PUDP: variants seen among roughly 807,000 people sequenced by gnomAD.
The protein encoded by PUDP is pseudouridine-5'-phosphatase.
PUDP carries 8 observed loss-of-function variants against 9.4 expected under a neutral mutation model. The ratio of observed to expected loss-of-function variants is 0.85; its 90% CI spans 0.50 to 1.53. The LOEUF is 1.53. PUDP is among the 40% of genes most tolerant of loss of function. The probability of loss-of-function intolerance (pLI) is 0.00; values close to 1 mark genes in which losing one functional copy is unlikely to be tolerated. For missense variants in PUDP, 188 were observed against 189.7 expected (o/e 0.99, Z 0.05); for synonymous variants, 99 against 80.7 (o/e 1.23, Z -1.22).
intron 3 of PUDP, among the ~76,000 whole-genome samples, chrX:6,897,751 G>A (rs921466521): frequency 3.6e-5 from 4 of 111,129 alleles, no homozygotes; most frequent in African/African-American, 1.3e-4. Context: ...ATTCATAGGC[G>A]GCAACTTCTC....
intron 3 of PUDP, among the ~76,000 whole-genome samples, chrX:6,906,113 T>G (rs1283233372): frequency 8.9e-6 from 1 of 112,115 alleles, no homozygotes; most frequent in Non-Finnish European, 1.9e-5. Context: ...CAATGTGAGA[T>G]GTTCCCATGC....
intron 3 of PUDP, among the ~76,000 whole-genome samples, chrX:6,945,406 A>G (rs1928450632): frequency 1.8e-5 from 2 of 111,926 alleles, no homozygotes; most frequent in African/African-American, 6.5e-5. Flanking sequence ...ATTAAAAACA[A>G]ATATTTAGAT....
intron 1 of PUDP, among the ~76,000 whole-genome samples, chrX:7,009,503 A>G (rs1333667455): frequency 8.9e-6 from 1 of 112,642 alleles, no homozygotes; most frequent in African/African-American, 3.2e-5. Flanking sequence ...TCGGCCATAC[A>G]GAAAGAATGG....
intron 3 of PUDP, among the ~76,000 whole-genome samples, chrX:6,886,552 C>T (rs957632159): frequency 9.0e-6 from 1 of 111,597 alleles, no homozygotes; most frequent in Non-Finnish European, 1.9e-5. Flanking sequence ...TTTGGATGGA[C>T]AGGATTTGGA....
chrX:7,053,466 C>A (rs1236638569), intron 3 of PUDP, among the ~76,000 whole-genome samples: 1 of 111,573 alleles, frequency 9.0e-6, no homozygotes, highest in Non-Finnish European at 1.9e-5. Context: ...ATCATGGGGG[C>A]AGTTTTCCCC....
At chrX:7,140,436 G>A (rs1325334228) in intron 1 of PUDP, among the ~76,000 whole-genome samples, 2 of 111,284 alleles carry the variant, frequency 1.8e-5, no homozygotes, top group African/African-American at 6.6e-5. Context: ...AGTCGCCTGA[G>A]CATCTATATA....
chrX:6,927,708 G>T (rs1306306843), intron 3 of PUDP, among the ~76,000 whole-genome samples: 3 of 111,366 alleles, frequency 2.7e-5, no homozygotes, highest in African/African-American at 6.5e-5. Flanking sequence ...CATATACACA[G>T]GAGCCTTCAG....
At chrX:6,778,991 C>T (rs1280711417) in intron 3 of PUDP, among the ~76,000 whole-genome samples, 1 of 111,968 alleles carries the variant, frequency 8.9e-6, no homozygotes, top group African/African-American at 3.3e-5. Flanking sequence ...AAAGCCAATT[C>T]GAACCAGAGC....
chrX:6,827,424 C>A (rs1475994990), intron 3 of PUDP, among the ~76,000 whole-genome samples: 1 of 111,446 alleles, frequency 9.0e-6, no homozygotes, highest in African/African-American at 3.3e-5. Context: ...CTAGAGGATT[C>A]TATTGGTTAT....
At chrX:6,899,709 T>TGATGAA (rs1555915640) in intron 3 of PUDP, among the ~76,000 whole-genome samples, 41 of 105,551 alleles carry the variant, frequency 3.9e-4, no homozygotes, top group African/African-American at 1.4e-3. Flanking sequence ...ATGATGATGA[T>TGATGAA]GAAGATGAAC....
chrX:6,894,489 G>A (rs1046344451), intron 3 of PUDP, among the ~76,000 whole-genome samples: 1 of 112,063 alleles, frequency 8.9e-6, no homozygotes, highest in Non-Finnish European at 1.9e-5. Flanking sequence ...TTTCTGTAGC[G>A]GAGACGTGCA....
At chrX:6,804,540 G>A (rs1475493649) in intron 3 of PUDP, among the ~76,000 whole-genome samples, 2 of 112,007 alleles carry the variant, frequency 1.8e-5, no homozygotes. Flanking sequence ...AAAAGTACTG[G>A]AGATCCTCAA....
intron 1 of PUDP, among the ~76,000 whole-genome samples, chrX:6,996,640 ATG>A (rs1225704467): frequency 9.5e-6 from 1 of 105,151 alleles, no homozygotes; most frequent in African/African-American, 3.5e-5. Flanking sequence ...GTATATATAT[ATG>A]TGTGTGTGTA....
chrX:7,056,082 A>C (rs1473913677), intron 3 of PUDP, among the ~76,000 whole-genome samples: 1 of 112,061 alleles, frequency 8.9e-6, no homozygotes, highest in Non-Finnish European at 1.9e-5. Context: ...ATTACACTTG[A>C]CCTAAAACTC....
intron 3 of PUDP, among the ~76,000 whole-genome samples, chrX:6,879,260 G>T (rs767458911): frequency 8.9e-6 from 1 of 112,090 alleles, no homozygotes; most frequent in African/African-American, 3.2e-5. Context: ...GCACTGCAGT[G>T]TTTTGGGTGA....
At chrX:6,836,547 G>T (rs764171583) in intron 3 of PUDP, among the ~76,000 whole-genome samples, 1 of 112,261 alleles carries the variant, frequency 8.9e-6, no homozygotes, top group Admixed American at 9.5e-5. Context: ...TTACAGAACT[G>T]CAAGGAATAA....
chrX:6,795,045 T>C, intron 3 of PUDP, among the ~76,000 whole-genome samples: 1 of 108,887 alleles, frequency 9.2e-6, no homozygotes, highest in Non-Finnish European at 1.9e-5. Flanking sequence ...ATCTTTAATT[T>C]TTTTTTACTT....
chrX:6,846,334 C>T (rs1220305303), intron 3 of PUDP, among the ~76,000 whole-genome samples: 3 of 107,219 alleles, frequency 2.8e-5, no homozygotes, highest in Admixed American at 1.0e-4. Flanking sequence ...GGCGTGAACC[C>T]GAGAGGCGGA....
intron 1 of PUDP, among the ~76,000 whole-genome samples, chrX:6,988,508 A>G (rs1276880587): frequency 2.7e-5 from 3 of 112,336 alleles, no homozygotes; most frequent in Non-Finnish European, 5.6e-5. Flanking sequence ...ATGTCTACGC[A>G]TAAGTGTGTA....
Sources: gnomAD v4.1 joint callset for allele counts (sites outside exome capture counted in the v4.1 genomes callset) on GRCh38, gnomAD v4.1.1 for gene constraint, MANE v1.5 for transcripts, NCBI Gene and HGNC (gene_info 2026-07-23, HGNC 2026-07-21) for gene names.